Variants in AOPEP observed in about 807,000 individuals in gnomAD.
The protein encoded by AOPEP is aminopeptidase O.
In AOPEP, 77 loss-of-function variants were observed where a neutral mutation model predicts 98.1. The ratio of observed to expected loss-of-function variants is 0.78; its 90% CI spans 0.65 to 0.95. The LOEUF (loss-of-function observed/expected upper bound fraction) is 0.95. Ranked by LOEUF, AOPEP falls within the 40% of genes least tolerant of loss-of-function variation. The pLI, the probability that AOPEP is intolerant of heterozygous loss-of-function variation, is 0.00. For missense variants in AOPEP, 1,024 were observed against 1,024.7 expected (o/e 1.00, Z 0.01); for synonymous variants, 346 against 365.3 (o/e 0.95, Z 0.60).
At chr9:94,796,824 T>TGTA (rs1847045921) in intron 4 of AOPEP, among the ~76,000 whole-genome samples, 1 of 152,256 alleles carries the variant, frequency 6.6e-6, no homozygotes, top group Non-Finnish European at 1.5e-5. Flanking sequence ...TTTATTCAGC[T>TGTA]GTAGTATAAC....
the AOPEP span, among the ~76,000 whole-genome samples, chr9:95,122,764 C>T: frequency 6.6e-6 from 1 of 152,214 alleles, no homozygotes; most frequent in Non-Finnish European, 1.5e-5. Flanking sequence ...CTGCTCCAAC[C>T]CAGGTGTGCT....
At chr9:94,806,320 A>C (rs1304434302) in intron 5 of AOPEP, among the ~76,000 whole-genome samples, 1 of 151,924 alleles carries the variant, frequency 6.6e-6, no homozygotes, top group African/African-American at 2.4e-5. Context: ...TTCTGCATGG[A>C]TTGTTTTTTA....
At chr9:95,114,771 C>T in the AOPEP span, 2 of 1,417,796 alleles carry the variant, frequency 1.4e-6, no homozygotes, top group African/African-American at 2.8e-5. Flanking sequence ...CATGAGGAAC[C>T]ACCTGCAGGG....
chr9:94,923,966 T>G lies in AOPEP; in HGVS notation c.1365-20T>G. ...AGGCTCTAACAAGACTCTGTGCATT[T>G]TCTCCCCCATTATCCACAGCCCACA... On this transcript the variant is annotated intron_variant, in intron 5 of 16. Transcript: ENST00000375315. 7.2e-7 allele frequency: 1 copy of G among 1,380,164 alleles called. No homozygotes were observed. The highest frequency in any genetic ancestry group is 9.5e-7 in the Non-Finnish European group (1 of 1,055,302). 85.5% of individuals were successfully genotyped at this position (1,380,164 alleles called of 1,614,324 possible).
intron 13 of AOPEP, among the ~76,000 whole-genome samples, chr9:95,016,704 T>C (rs540039126): frequency 2.7e-5 from 4 of 150,688 alleles, no homozygotes; most frequent in Non-Finnish European, 5.9e-5. Flanking sequence ...GCTCAAACTT[T>C]TGGATTCAAG....
chr9:94,853,706 G>A (rs1209159528), intron 5 of AOPEP, among the ~76,000 whole-genome samples: 1 of 152,226 alleles, frequency 6.6e-6, no homozygotes, highest in Non-Finnish European at 1.5e-5. Context: ...AATATTCAGA[G>A]CTCTACTCCA....
intron 9 of AOPEP, among the ~76,000 whole-genome samples, chr9:94,965,087 A>G (rs2059107586): frequency 6.6e-6 from 1 of 152,206 alleles, no homozygotes; most frequent in Non-Finnish European, 1.5e-5. Context: ...TTGCAAAATA[A>G]TTTTTAAGTA....
At chr9:94,927,253 A>G (rs2054491810) in intron 6 of AOPEP, among the ~76,000 whole-genome samples, 1 of 152,178 alleles carries the variant, frequency 6.6e-6, no homozygotes, top group South Asian at 2.1e-4. Context: ...CTCATGACTT[A>G]CTTAACCTTA....
At chr9:95,001,621 A>G (rs2061562043) in intron 11 of AOPEP, among the ~76,000 whole-genome samples, 1 of 152,246 alleles carries the variant, frequency 6.6e-6, no homozygotes, top group Non-Finnish European at 1.5e-5. Flanking sequence ...ATTGAACACA[A>G]TAGAAAAGTA....
Position 95,069,411 on chromosome 9 carries a change from G to T in AOPEP, c.2232+8601G>T, listed in dbSNP as rs142806917. Among the ~76,000 whole-genome samples, 471 of 152,202 alleles carry T rather than the reference G, an allele frequency of 3.1e-3. 2 individuals are homozygous for T. The highest frequency in any genetic ancestry group is 3.9e-3 in the Non-Finnish European group (268 of 68,022). ...ACATGTCAATAAATTGAAGAAAGAAGGTAGGGTGTATTATTTTCTAATTTC... is the reference window on the plus strand; with the variant it reads ...ACATGTCAATAAATTGAAGAAAGAATGTAGGGTGTATTATTTTCTAATTTC... On this transcript the variant is annotated intron_variant, in intron 14 of 16. Coordinates refer to ENST00000375315, the MANE Select transcript of AOPEP (RefSeq NM_001193329.3).
chr9:95,094,973 C>T, the AOPEP span, among the ~76,000 whole-genome samples: 1 of 152,256 alleles, frequency 6.6e-6, no homozygotes, highest in Non-Finnish European at 1.5e-5. Context: ...CTGCCATACA[C>T]ACAGACCACG....
intron 9 of AOPEP, 46 bp downstream of exon 9, chr9:94,956,061 G>A: frequency 1.8e-6 from 2 of 1,112,996 alleles, no homozygotes; most frequent in Non-Finnish European, 2.7e-6. Flanking sequence ...ACTGGAGGGG[G>A]TATGGCACAT....
At chr9:95,060,015 A>G (rs954721249) in intron 13 of AOPEP, among the ~76,000 whole-genome samples, 2 of 152,158 alleles carry the variant, frequency 1.3e-5, no homozygotes, top group African/African-American at 4.8e-5. Context: ...GTACCATGTT[A>G]AGACTATCTC....
chr9:94,927,888 GTTC>G (rs941407531), intron 6 of AOPEP, among the ~76,000 whole-genome samples: 24 of 152,216 alleles, frequency 1.6e-4, no homozygotes, highest in African/African-American at 5.5e-4. Flanking sequence ...ACGGCAGCTG[GTTC>G]TGACTCAGTA....
At chr9:94,861,130 G>A (rs919496665) in intron 5 of AOPEP, among the ~76,000 whole-genome samples, 1 of 152,272 alleles carries the variant, frequency 6.6e-6, no homozygotes, top group Admixed American at 6.5e-5. Flanking sequence ...CTCTGCATAT[G>A]GATGGCAGTT....
chr9:94,802,396 T>G (rs1204378817), intron 5 of AOPEP, among the ~76,000 whole-genome samples: 1 of 152,196 alleles, frequency 6.6e-6, no homozygotes, highest in East Asian at 1.9e-4. Context: ...AGGCAGAGTA[T>G]TTTTCATGCA....
chr9:94,929,301 C>T (rs758968672), intron 7 of AOPEP, among the ~76,000 whole-genome samples: 8 of 152,160 alleles, frequency 5.3e-5, no homozygotes, highest in Non-Finnish European at 1.2e-4. Context: ...CTTAGATGGC[C>T]GCCCTGAAGG....
At chr9:94,796,718 C>T (rs1290174416) in intron 4 of AOPEP, among the ~76,000 whole-genome samples, 4 of 152,232 alleles carry the variant, frequency 2.6e-5, no homozygotes, top group African/African-American at 9.6e-5. Flanking sequence ...CCTCTTCCAG[C>T]TCCACTTTCA....
At chr9:94,984,906 A>G (rs910564431) in intron 11 of AOPEP, among the ~76,000 whole-genome samples, 3 of 152,226 alleles carry the variant, frequency 2.0e-5, no homozygotes, top group Admixed American at 1.3e-4. Flanking sequence ...GACAGCATGG[A>G]TGATGAGAAT....
Sources: allele counts gnomAD v4.1 joint callset (sites outside exome capture counted in the v4.1 genomes callset), GRCh38; gene constraint gnomAD v4.1.1; transcripts MANE v1.5; gene names NCBI Gene and HGNC (gene_info 2026-07-23, HGNC 2026-07-21).